PAG1: variants seen among roughly 807,000 people sequenced by gnomAD.
PAG1 encodes the protein phosphoprotein membrane anchor with glycosphingolipid microdomains 1.
A neutral mutation model predicts 31.7 loss-of-function variants in PAG1; 23 were observed. The ratio of observed to expected loss-of-function variants is 0.73; its 90% CI spans 0.52 to 1.03. The LOEUF (loss-of-function observed/expected upper bound fraction) is 1.03. Among genes scored for constraint, PAG1 ranks in the 50% least tolerant of loss-of-function variants. The pLI is 0.00. For synonymous variants in PAG1, 214 were observed against 210.3 expected, an observed-to-expected ratio of 1.02 and a Z score of -0.15; for missense variants, 473 against 540.7, an observed-to-expected ratio of 0.87 and a Z score of 1.24.
At chr8:81,027,131 C>A (rs951270084) in intron 3 of PAG1, among the ~76,000 whole-genome samples, 3 of 152,094 alleles carry the variant, frequency 2.0e-5, no homozygotes, top group African/African-American at 7.2e-5. Context: ...CCACTTCAGC[C>A]TCCCAGGTAG....
intron 8 of PAG1, among the ~76,000 whole-genome samples, chr8:80,980,007 C>T (rs1032158865): frequency 5.9e-5 from 9 of 152,194 alleles, no homozygotes; most frequent in South Asian, 2.1e-4. Flanking sequence ...AATTTCCCCA[C>T]GGAGACTTCC....
chr8:81,057,702 A>G (rs1808850472), intron 2 of PAG1, among the ~76,000 whole-genome samples: 1 of 152,200 alleles, frequency 6.6e-6, no homozygotes, highest in Non-Finnish European at 1.5e-5. Context: ...GTACCCTAGG[A>G]CTTAAAGTAT....
At chr8:81,017,073 C>G (rs1808085031) in intron 3 of PAG1, among the ~76,000 whole-genome samples, 1 of 152,074 alleles carries the variant, frequency 6.6e-6, no homozygotes, top group African/African-American at 2.4e-5. Flanking sequence ...AGAGGATTGC[C>G]CAGCTGAGCC....
At chr8:81,058,458 G>A (rs868088960) in intron 2 of PAG1, 1 of 152,248 alleles carries the variant, frequency 6.6e-6, no homozygotes, top group Non-Finnish European at 1.5e-5. Flanking sequence ...ATTGATTTGG[G>A]GGTCCTTTTA....
At chr8:81,083,766 G>A (rs991421375) in intron 1 of PAG1, among the ~76,000 whole-genome samples, 1 of 152,164 alleles carries the variant, frequency 6.6e-6, no homozygotes, top group Non-Finnish European at 1.5e-5. Context: ...CAGGTGTGGT[G>A]GCTTACACCT....
chr8:81,096,504 T>C (rs1809530391), intron 1 of PAG1, among the ~76,000 whole-genome samples: 1 of 152,178 alleles, frequency 6.6e-6, no homozygotes, highest in Non-Finnish European at 1.5e-5. Flanking sequence ...CTCCCCTCTT[T>C]AATTCAGCAA....
intron 2 of PAG1, among the ~76,000 whole-genome samples, chr8:81,067,184 GTA>G (rs1809022387): frequency 1.3e-5 from 2 of 152,162 alleles, no homozygotes; most frequent in East Asian, 3.9e-4. Flanking sequence ...TAAAAATTAT[GTA>G]TGTTTGCCTG....
chr8:81,026,379 AAG>A (rs1808278364), intron 3 of PAG1, among the ~76,000 whole-genome samples: 1 of 150,120 alleles, frequency 6.7e-6, no homozygotes, highest in South Asian at 2.1e-4. Context: ...CCCAAAATAA[AAG>A]AGTGTCAGTA....
At chr8:81,031,225 C>G (rs565070112) in intron 2 of PAG1, among the ~76,000 whole-genome samples, 1 of 152,320 alleles carries the variant, frequency 6.6e-6, no homozygotes, top group South Asian at 2.1e-4. Context: ...TTTGCCACTG[C>G]ATTTAGCTAC....
chr8:81,078,332 CTTAG>C (rs1809210501), intron 1 of PAG1, among the ~76,000 whole-genome samples: 1 of 152,194 alleles, frequency 6.6e-6, no homozygotes. Flanking sequence ...TTCTCTATCC[CTTAG>C]TTAAGTAGGA....
At chr8:81,021,550 T>TTGTG (rs1259238596) in intron 3 of PAG1, among the ~76,000 whole-genome samples, 5 of 144,872 alleles carry the variant, frequency 3.5e-5, no homozygotes, top group Admixed American at 1.4e-4. Context: ...GCCTCTGTGT[T>TTGTG]TGTGTGTGTG....
rs1206704769 is a variant in PAG1 at position 81,070,129 on chromosome 8, G to A, written c.-192C>T. 1 of 152,298 alleles carries A rather than the reference G, an allele frequency of 6.6e-6. No individual in the cohort carries two copies. The highest frequency in any genetic ancestry group is 2.4e-5 in the African/African-American group (1 of 41,550). 9.4% of individuals were successfully genotyped at this position (152,298 alleles called of 1,614,324 possible). Reference sequence around the variant, plus strand: ...GAAATCACCTTTTCCCAGCAATGAAGTTGTGGCCAACTGCTGAAATAGGAG... The same window carrying A: ...GAAATCACCTTTTCCCAGCAATGAAATTGTGGCCAACTGCTGAAATAGGAG... On this transcript the variant is annotated 5_prime_UTR_variant, in exon 2 of 9. Transcript: ENST00000220597.
chr8:81,044,985 T>C (rs1808617816), intron 2 of PAG1, among the ~76,000 whole-genome samples: 1 of 152,166 alleles, frequency 6.6e-6, no homozygotes, highest in Non-Finnish European at 1.5e-5. Flanking sequence ...AGTATTTTGC[T>C]GCTATTTTGC....
intron 1 of PAG1, among the ~76,000 whole-genome samples, chr8:81,110,231 T>A (rs1233518563): frequency 6.6e-6 from 1 of 152,164 alleles, no homozygotes; most frequent in Non-Finnish European, 1.5e-5. Context: ...AATTAAACAT[T>A]TATGTATGTG....
chr8:81,086,765 C>T (rs1809365259), intron 1 of PAG1, among the ~76,000 whole-genome samples: 2 of 152,040 alleles, frequency 1.3e-5, no homozygotes, highest in Admixed American at 1.3e-4. Context: ...CAAATTGAGG[C>T]CCATAATAAG....
intron 1 of PAG1, among the ~76,000 whole-genome samples, chr8:81,101,673 T>C (rs1201299930): frequency 2.0e-5 from 3 of 152,174 alleles, no homozygotes; most frequent in Non-Finnish European, 4.4e-5. Flanking sequence ...TTGGACTCTT[T>C]AGTATTAAGC....
At chr8:81,021,593 A>C (rs1808172779) in intron 3 of PAG1, among the ~76,000 whole-genome samples, 1 of 150,668 alleles carries the variant, frequency 6.6e-6, no homozygotes, top group South Asian at 2.1e-4. Context: ...GGAGAATACA[A>C]GTATTTCTTT....
At chr8:81,053,420 A>G (rs1808764572) in intron 2 of PAG1, among the ~76,000 whole-genome samples, 1 of 152,202 alleles carries the variant, frequency 6.6e-6, no homozygotes, top group African/African-American at 2.4e-5. Context: ...CGAGAAATGG[A>G]TTCATATTTC....
chr8:80,994,939 A>G (rs1167068043), intron 3 of PAG1, among the ~76,000 whole-genome samples: 1 of 152,170 alleles, frequency 6.6e-6, no homozygotes, highest in African/African-American at 2.4e-5. Flanking sequence ...AAGTATTTAC[A>G]TTTTCGTTTG....
Sources: allele counts gnomAD v4.1 joint callset (sites outside exome capture counted in the v4.1 genomes callset), GRCh38; gene constraint gnomAD v4.1.1; transcripts MANE v1.5; gene names NCBI Gene and HGNC (gene_info 2026-07-23, HGNC 2026-07-21).